Variants in PAX5 observed in about 807,000 individuals in gnomAD.
PAX5 encodes the protein paired box protein Pax-5.
Under a neutral mutation model 43.7 loss-of-function variants are expected in PAX5, and 9 were observed. The observed-to-expected ratio is 0.21, with a 90% CI of 0.12 to 0.36. The LOEUF is 0.36. PAX5 is among the 10% of genes least tolerant of loss of function. The pLI is 1.00. For missense variants in PAX5, 383 were observed against 532.7 expected (o/e 0.72, Z 2.77); for synonymous variants, 228 against 214.3 (o/e 1.06, Z -0.56).
chr9:36,998,217 A>T (rs1285493921), intron 5 of PAX5, among the ~76,000 whole-genome samples: 1 of 152,166 alleles, frequency 6.6e-6, no homozygotes. Context: ...AGAACAGTTC[A>T]TCTGAGACTT....
chr9:36,969,600 C>T (rs1365100325), intron 5 of PAX5, among the ~76,000 whole-genome samples: 1 of 152,252 alleles, frequency 6.6e-6, no homozygotes, highest in Non-Finnish European at 1.5e-5. Context: ...GACACGCGCC[C>T]CTCTCTGCAG....
intron 6 of PAX5, among the ~76,000 whole-genome samples, chr9:36,923,918 AAT>A (rs1352158847): frequency 6.6e-6 from 1 of 152,258 alleles, no homozygotes; most frequent in Non-Finnish European, 1.5e-5. Context: ...ACAAAGGTAG[AAT>A]CACAGAAACA....
intron 8 of PAX5, among the ~76,000 whole-genome samples, chr9:36,847,174 T>C (rs1395064308): frequency 6.6e-6 from 1 of 152,220 alleles, no homozygotes; most frequent in Non-Finnish European, 1.5e-5. Context: ...ATGTGTACCA[T>C]GGAACTCCCA....
intron 3 of PAX5, among the ~76,000 whole-genome samples, chr9:37,007,179 CA>C: frequency 6.6e-6 from 1 of 152,280 alleles, no homozygotes; most frequent in East Asian, 1.9e-4. Context: ...AGAAAGGATC[CA>C]CAGGGCTGGA....
At chr9:36,996,814 G>A (rs925510421) in intron 5 of PAX5, among the ~76,000 whole-genome samples, 2 of 152,150 alleles carry the variant, frequency 1.3e-5, no homozygotes, top group Non-Finnish European at 2.9e-5. Context: ...GGGGAAGAGG[G>A]GATTTGGGGA....
At position 37,034,088 on chromosome 9, in the gene PAX5, C is replaced by CTTTTTCTTTTTTTTTT; in HGVS notation, c.-58_-57insAAAAAAAAAAGAAAAA. On this transcript the variant is annotated 5_prime_UTR_variant, in exon 1 of 10. Transcript: ENST00000358127. ...GGGAAAAGTTTCCACTTTTTTGTGC[C>CTTTTTCTTTTTTTTTT]TTTTTTTTTCTTTTTTTTTTTTTTT... 1 of 447,906 alleles carries CTTTTTCTTTTTTTTTT rather than the reference C, an allele frequency of 2.2e-6. No homozygotes were observed. The highest frequency in any genetic ancestry group is 4.1e-5 in the East Asian group (1 of 24,500). 27.7% of individuals were successfully genotyped at this position (447,906 alleles called of 1,614,324 possible). A position where few individuals can be genotyped will look rare whatever the true frequency, so the allele number is the denominator to read the frequency against.
At chr9:36,928,728 A>T (rs1158340375) in intron 6 of PAX5, among the ~76,000 whole-genome samples, 4 of 152,166 alleles carry the variant, frequency 2.6e-5, no homozygotes, top group Non-Finnish European at 5.9e-5. Flanking sequence ...CCTATCCAAC[A>T]TATTAAAGCC....
intron 8 of PAX5, among the ~76,000 whole-genome samples, chr9:36,855,569 AG>A (rs1018785497): frequency 2.2e-4 from 33 of 152,126 alleles, no homozygotes; most frequent in Admixed American, 9.2e-4. Context: ...TGAGGTGGGG[AG>A]GGGGGTACTG....
intron 1 of PAX5, among the ~76,000 whole-genome samples, chr9:37,030,264 G>C (rs1840850697): frequency 6.6e-6 from 1 of 152,194 alleles, no homozygotes; most frequent in African/African-American, 2.4e-5. Context: ...GCCCGAGCGG[G>C]CGGCCTCTGG....
intron 8 of PAX5, among the ~76,000 whole-genome samples, chr9:36,849,168 A>G (rs151010413): frequency 1.3e-5 from 2 of 152,276 alleles, no homozygotes; most frequent in Non-Finnish European, 2.9e-5. Context: ...TCCTCTCTGC[A>G]CCTGTGTGCC....
At chr9:37,027,051 T>G (rs1840459527) in intron 1 of PAX5, among the ~76,000 whole-genome samples, 1 of 152,172 alleles carries the variant, frequency 6.6e-6, no homozygotes, top group African/African-American at 2.4e-5. Flanking sequence ...GCCTCGATGC[T>G]TCTGAGGTCC....
intron 7 of PAX5, among the ~76,000 whole-genome samples, chr9:36,921,133 C>A (rs1334724917): frequency 6.6e-6 from 1 of 152,080 alleles, no homozygotes; most frequent in Non-Finnish European, 1.5e-5. Context: ...TTTATACGCA[C>A]TGGGAAACCA....
intron 6 of PAX5, among the ~76,000 whole-genome samples, chr9:36,960,477 G>C (rs934804854): frequency 3.9e-5 from 6 of 152,176 alleles, no homozygotes; most frequent in Non-Finnish European, 8.8e-5. Flanking sequence ...CGGTGAAGGG[G>C]CGTGATGGGG....
At chr9:36,922,284 G>A (rs1290515895) in intron 7 of PAX5, among the ~76,000 whole-genome samples, 4 of 152,142 alleles carry the variant, frequency 2.6e-5, no homozygotes, top group African/African-American at 7.2e-5. Flanking sequence ...TACGAGTCCC[G>A]TGTCACTGTC....
chr9:36,937,729 T>C (rs143220033), intron 6 of PAX5, among the ~76,000 whole-genome samples: 2 of 152,332 alleles, frequency 1.3e-5, no homozygotes, highest in South Asian at 2.1e-4. Flanking sequence ...TGACCTCCTA[T>C]AGAAAAGGTT....
chr9:36,956,127 A>T (rs549761004), intron 6 of PAX5, among the ~76,000 whole-genome samples: 1 of 152,176 alleles, frequency 6.6e-6, no homozygotes, highest in Non-Finnish European at 1.5e-5. Context: ...TCAAAAGTCA[A>T]TTCTCACACA....
At chr9:36,897,148 C>T (rs1227988739) in intron 7 of PAX5, among the ~76,000 whole-genome samples, 4 of 152,140 alleles carry the variant, frequency 2.6e-5, no homozygotes, top group African/African-American at 9.7e-5. Context: ...GGCAGATGTG[C>T]CTGGGACTCA....
intron 6 of PAX5, among the ~76,000 whole-genome samples, chr9:36,948,404 C>T (rs569318716): frequency 6.6e-6 from 1 of 152,308 alleles, no homozygotes; most frequent in Non-Finnish European, 1.5e-5. Flanking sequence ...TACCTCCTCC[C>T]TCCTTTTGAG....
intron 3 of PAX5, among the ~76,000 whole-genome samples, chr9:37,014,296 GGT>G (rs1839206363): frequency 6.6e-6 from 1 of 152,194 alleles, no homozygotes; most frequent in Non-Finnish European, 1.5e-5. Flanking sequence ...TGACTCCCAG[GGT>G]GTTTCTCTGG....
Sources: allele counts gnomAD v4.1 joint callset (sites outside exome capture counted in the v4.1 genomes callset), GRCh38; gene constraint gnomAD v4.1.1; transcripts MANE v1.5; gene names NCBI Gene and HGNC (gene_info 2026-07-23, HGNC 2026-07-21).